CNBD1: variants seen among roughly 807,000 people sequenced by gnomAD.
The protein encoded by CNBD1 is cyclic nucleotide-binding domain-containing protein 1.
Under a neutral mutation model 54.4 loss-of-function variants are expected in CNBD1, and 71 were observed. The ratio of observed to expected loss-of-function variants is 1.30; its 90% confidence interval spans 1.08 to 1.59. CNBD1 has a LOEUF of 1.59. Among genes scored for constraint, CNBD1 ranks in the 40% most tolerant of loss-of-function variants. The probability of loss-of-function intolerance (pLI) is 0.00; values close to 1 mark genes in which losing one functional copy is unlikely to be tolerated. For missense variants in CNBD1, 659 were observed against 518.0 expected, an observed-to-expected ratio of 1.27 and a Z score of -2.64; for synonymous variants, 182 against 170.7, an observed-to-expected ratio of 1.07 and a Z score of -0.51.
intron 5 of CNBD1, among the ~76,000 whole-genome samples, chr8:87,210,045 A>C (rs1814060327): frequency 1.3e-5 from 2 of 152,158 alleles, no homozygotes; most frequent in South Asian, 4.1e-4. Flanking sequence ...GTTTTGACAA[A>C]GGTGCTAAAA....
At chr8:87,257,754 C>G (rs1382822171) in intron 6 of CNBD1, among the ~76,000 whole-genome samples, 4 of 152,040 alleles carry the variant, frequency 2.6e-5, no homozygotes, top group African/African-American at 9.7e-5. Flanking sequence ...GGTAATTTGA[C>G]TTAGACTGTG....
chr8:86,903,865 ATTTTTTT>A (rs10708085), intron 2 of CNBD1, among the ~76,000 whole-genome samples: 1 of 149,306 alleles, frequency 6.7e-6, no homozygotes. Flanking sequence ...TACAAACAGA[ATTTTTTT>A]TTTTTTCCTG....
intron 8 of CNBD1, among the ~76,000 whole-genome samples, chr8:87,347,135 A>G (rs1810191325): frequency 6.6e-6 from 1 of 152,198 alleles, no homozygotes; most frequent in South Asian, 2.1e-4. Flanking sequence ...ACCCACCGCC[A>G]GACAGATACA....
rs1464402287 is a variant in CNBD1, at chr8:87,228,914, C to A, written c.578-8005C>A. 2.6e-5 allele frequency among the ~76,000 whole-genome samples: 4 copies of A among 152,214 alleles called. No homozygotes were observed. In the East Asian group the frequency reaches 7.7e-4, roughly 29 times the overall value. ...CGAGACTCTGTGGGGTAGGACCCTC[C>A]GAGCCAGGTGGGGGATATAATCTCA... On this transcript the variant is annotated intron_variant, in intron 5 of 10. Transcript: ENST00000518476.
Position 87,045,732 on chromosome 8 carries a change from A to AAAC in CNBD1, c.431+105980_431+105981insCAA, listed in dbSNP as rs1282666720. ...AGAGCAAGACTCCGTCTCAAAAAAA[A>AAAC]AAAAAAAAAAAACAGTACACATGTG... On this transcript the variant is annotated intron_variant, in intron 4 of 10. Coordinates refer to ENST00000518476, the MANE Select transcript of CNBD1 (RefSeq NM_173538.3). 7.7e-3 allele frequency among the ~76,000 whole-genome samples: 1,143 copies of AAAC among 149,302 alleles called. 20 individuals carry two copies. Among genetic ancestry groups the AAAC allele is most frequent in the African/African-American group, 0.026 (1,051 of 40,072 alleles).
intron 4 of CNBD1, among the ~76,000 whole-genome samples, chr8:86,949,718 T>G (rs1048011649): frequency 6.6e-6 from 1 of 151,928 alleles, no homozygotes; most frequent in Non-Finnish European, 1.5e-5. Context: ...TTTTTTTTCT[T>G]TTGTGTGATT....
chr8:87,412,411 A>T (rs993192331), intron 2 of CNBD1, among the ~76,000 whole-genome samples: 1 of 152,080 alleles, frequency 6.6e-6, no homozygotes, highest in African/African-American at 2.4e-5. Flanking sequence ...TTGCTTCTCA[A>T]ATGTCAGAAT....
At chr8:87,396,798 T>C (rs1199075215) in intron 2 of CNBD1, among the ~76,000 whole-genome samples, 5 of 151,654 alleles carry the variant, frequency 3.3e-5, no homozygotes, top group Non-Finnish European at 7.4e-5. Context: ...TATTTTCAAA[T>C]ACCACCCCCT....
chr8:87,038,078 T>C (rs1218098656), intron 4 of CNBD1, among the ~76,000 whole-genome samples: 1 of 152,170 alleles, frequency 6.6e-6, no homozygotes, highest in Non-Finnish European at 1.5e-5. Context: ...CTTAAATCTC[T>C]GTCTTCAGTA....
chr8:86,931,371 G>C (rs190434913), intron 3 of CNBD1, among the ~76,000 whole-genome samples: 98 of 152,294 alleles, frequency 6.4e-4, no homozygotes, highest in African/African-American at 2.2e-3. Flanking sequence ...TCATCTGGTT[G>C]GGGGCTTCTG....
At chr8:87,093,102 T>C (rs1156584738) in intron 4 of CNBD1, among the ~76,000 whole-genome samples, 1 of 152,174 alleles carries the variant, frequency 6.6e-6, no homozygotes, top group Non-Finnish European at 1.5e-5. Flanking sequence ...CTAGAATAGA[T>C]GTATGCTTAT....
intron 2 of CNBD1, among the ~76,000 whole-genome samples, chr8:87,407,114 C>G (rs1274583093): frequency 6.6e-6 from 1 of 151,964 alleles, no homozygotes; most frequent in Non-Finnish European, 1.5e-5. Context: ...ATACTGATCA[C>G]AAAACAATTA....
At chr8:87,117,750 G>C (rs1181037959) in intron 4 of CNBD1, among the ~76,000 whole-genome samples, 1 of 152,110 alleles carries the variant, frequency 6.6e-6, no homozygotes, top group Non-Finnish European at 1.5e-5. Flanking sequence ...ATACAGCCTG[G>C]TGAATTGGAG....
chr8:87,108,888 C>T (rs1057050865), intron 4 of CNBD1, among the ~76,000 whole-genome samples: 12 of 144,426 alleles, frequency 8.3e-5, no homozygotes, highest in Non-Finnish European at 1.8e-4. Context: ...TATGGCCAAA[C>T]AACTCTCATG....
chr8:87,071,088 T>G (rs746734467), intron 4 of CNBD1, among the ~76,000 whole-genome samples: 4 of 152,120 alleles, frequency 2.6e-5, no homozygotes, highest in Non-Finnish European at 4.4e-5. Context: ...AGAACTTCTG[T>G]GGAATGACTC....
intron 4 of CNBD1, among the ~76,000 whole-genome samples, chr8:87,017,072 TA>T (rs1178445919): frequency 8.0e-4 from 122 of 152,248 alleles, no homozygotes; most frequent in Non-Finnish European, 1.6e-4. Context: ...CTATCCCCCA[TA>T]GGTCATACAG....
chr8:87,230,359 G>T (rs1214234632), intron 5 of CNBD1, among the ~76,000 whole-genome samples: 1 of 152,154 alleles, frequency 6.6e-6, no homozygotes, highest in East Asian at 1.9e-4. Context: ...TCCCATTGAG[G>T]TTGTTTATAA....
At chr8:87,340,901 T>TTTTA (rs533740128) in intron 8 of CNBD1, among the ~76,000 whole-genome samples, 72 of 152,204 alleles carry the variant, frequency 4.7e-4, no homozygotes, top group African/African-American at 1.4e-3. Flanking sequence ...GTTTCTGAAG[T>TTTTA]TTTATTTATT....
At chr8:87,232,841 T>C (rs1427880618) in intron 5 of CNBD1, among the ~76,000 whole-genome samples, 1 of 151,928 alleles carries the variant, frequency 6.6e-6, no homozygotes, top group Non-Finnish European at 1.5e-5. Flanking sequence ...AAGAGAAGAG[T>C]CATGTGAGAT....
Sources: gnomAD v4.1 joint callset for allele counts (sites outside exome capture counted in the v4.1 genomes callset) on GRCh38, gnomAD v4.1.1 for gene constraint, MANE v1.5 for transcripts, NCBI Gene and HGNC (gene_info 2026-07-23, HGNC 2026-07-21) for gene names.